Variants in EYA1 observed in about 807,000 individuals in gnomAD.
EYA1 encodes the protein EYA transcriptional coactivator and phosphatase 1.
EYA1 carries 16 observed loss-of-function variants against 82.0 expected under a neutral mutation model. That is an observed-to-expected ratio of 0.20 (90% CI 0.13 to 0.30). The LOEUF (loss-of-function observed/expected upper bound fraction) is 0.30. Ranked by LOEUF, EYA1 falls within the 10% of genes least tolerant of loss-of-function variation. The pLI is 1.00. For missense variants in EYA1, 633 were observed against 730.7 expected, an observed-to-expected ratio of 0.87 and a Z score of 1.54; for synonymous variants, 261 against 264.4, an observed-to-expected ratio of 0.99 and a Z score of 0.12.
chr8:71,314,999 C>G (rs1268001504), intron 7 of EYA1, among the ~76,000 whole-genome samples: 4 of 151,868 alleles, frequency 2.6e-5, no homozygotes, highest in Admixed American at 1.3e-4. Context: ...CTTTTTTATG[C>G]ACTATACTGT....
chr8:71,328,361 C>T (rs532341125), intron 4 of EYA1, among the ~76,000 whole-genome samples: 14 of 152,242 alleles, frequency 9.2e-5, no homozygotes, highest in South Asian at 6.2e-4. Context: ...AAGAGAATAC[C>T]GATTCCGGGG....
intron 2 of EYA1, among the ~76,000 whole-genome samples, chr8:71,527,718 A>C (rs1813926497): frequency 6.6e-6 from 1 of 152,184 alleles, no homozygotes; most frequent in Admixed American, 6.5e-5. Flanking sequence ...CAACAGAACA[A>C]TGCATGAATC....
At chr8:71,340,849 A>G (rs1825046459) in intron 3 of EYA1, among the ~76,000 whole-genome samples, 1 of 152,134 alleles carries the variant, frequency 6.6e-6, no homozygotes, top group Non-Finnish European at 1.5e-5. Flanking sequence ...GTTGAAATTC[A>G]ATATTTATTG....
At chr8:71,442,738 G>T (rs1408008745) in intron 2 of EYA1, among the ~76,000 whole-genome samples, 1 of 152,076 alleles carries the variant, frequency 6.6e-6, no homozygotes, top group African/African-American at 2.4e-5. Flanking sequence ...CTACCATAAC[G>T]ATTTACAAAC....
At chr8:71,287,172 T>G (rs1818479670) in intron 9 of EYA1, among the ~76,000 whole-genome samples, 1 of 152,126 alleles carries the variant, frequency 6.6e-6, no homozygotes. Flanking sequence ...AATTACATTA[T>G]ATTAGTTTAG....
chr8:71,438,659 G>A (rs964958087), intron 2 of EYA1, among the ~76,000 whole-genome samples: 1 of 152,108 alleles, frequency 6.6e-6, no homozygotes, highest in Admixed American at 6.6e-5. Flanking sequence ...GAGAGTGTGA[G>A]CAGATGGAGA....
At chr8:71,491,523 A>T (rs1396310059) in intron 2 of EYA1, among the ~76,000 whole-genome samples, 2 of 152,220 alleles carry the variant, frequency 1.3e-5, no homozygotes, top group Non-Finnish European at 2.9e-5. Context: ...ACAAGGTTTT[A>T]TGGGTGGGTC....
intron 12 of EYA1, among the ~76,000 whole-genome samples, chr8:71,220,300 A>C (rs763060125): frequency 1.7e-4 from 26 of 152,184 alleles, no homozygotes; most frequent in Non-Finnish European, 3.4e-4. Context: ...AGGTGATGAA[A>C]TCATTATTGA....
intron 3 of EYA1, among the ~76,000 whole-genome samples, chr8:71,342,747 C>T (rs1388493594): frequency 6.6e-6 from 1 of 152,132 alleles, no homozygotes; most frequent in African/African-American, 2.4e-5. Flanking sequence ...AATTTGCGGA[C>T]CTTTGGTACT....
chr8:71,463,995 G>A (rs1316106933), intron 2 of EYA1, among the ~76,000 whole-genome samples: 3 of 152,114 alleles, frequency 2.0e-5, no homozygotes, highest in Non-Finnish European at 4.4e-5. Context: ...TTCATCAAAT[G>A]TGCCTTTTTG....
chr8:71,220,373 G>T (rs1019800299), intron 12 of EYA1, among the ~76,000 whole-genome samples: 1 of 152,102 alleles, frequency 6.6e-6, no homozygotes, highest in Non-Finnish European at 1.5e-5. Context: ...TATTTTATGC[G>T]CTAATCTGTA....
chr8:71,498,164 T>C (rs776671186), intron 2 of EYA1, among the ~76,000 whole-genome samples: 13 of 152,324 alleles, frequency 8.5e-5, no homozygotes, highest in Non-Finnish European at 1.8e-4. Flanking sequence ...GCTAACATTA[T>C]ATTGTATTCT....
chr8:71,257,098 T>C (rs1016342490), intron 11 of EYA1, among the ~76,000 whole-genome samples: 7 of 152,212 alleles, frequency 4.6e-5, no homozygotes, highest in African/African-American at 1.7e-4. Context: ...ATGGCTAAGG[T>C]GCTGAATACT....
chr8:71,374,731 A>G (rs769476988), intron 2 of EYA1, among the ~76,000 whole-genome samples: 2 of 152,218 alleles, frequency 1.3e-5, no homozygotes, highest in African/African-American at 2.4e-5. Flanking sequence ...TTTATTCACA[A>G]TAGCCAAGCC....
intron 2 of EYA1, among the ~76,000 whole-genome samples, chr8:71,509,740 C>T (rs1437924451): frequency 6.6e-6 from 1 of 151,942 alleles, no homozygotes; most frequent in African/African-American, 2.4e-5. Flanking sequence ...ATAAAGAATG[C>T]CATTTTTATT....
chr8:71,352,195 T>C (rs1449437084), intron 3 of EYA1, among the ~76,000 whole-genome samples: 1 of 152,208 alleles, frequency 6.6e-6, no homozygotes, highest in African/African-American at 2.4e-5. Context: ...AAATCTATAA[T>C]GACTACACGC....
At chr8:71,418,108 C>T (rs1049128028) in intron 2 of EYA1, among the ~76,000 whole-genome samples, 4 of 152,122 alleles carry the variant, frequency 2.6e-5, no homozygotes, top group African/African-American at 7.2e-5. Flanking sequence ...TAGTCCACTC[C>T]TCACACTGAG....
chr8:71,205,885 G>A (rs891285390), intron 17 of EYA1, among the ~76,000 whole-genome samples: 9 of 152,140 alleles, frequency 5.9e-5, no homozygotes, highest in African/African-American at 2.2e-4. Context: ...AGAGAGACAA[G>A]CTAAATAGTT....
intron 4 of EYA1, among the ~76,000 whole-genome samples, chr8:71,333,553 T>A (rs1824137143): frequency 6.6e-6 from 1 of 152,238 alleles, no homozygotes; most frequent in African/African-American, 2.4e-5. Context: ...AGTAATTTCA[T>A]TATGACACTT....
Sources: gnomAD v4.1 joint callset for allele counts (sites outside exome capture counted in the v4.1 genomes callset) on GRCh38, gnomAD v4.1.1 for gene constraint, MANE v1.5 for transcripts, NCBI Gene and HGNC (gene_info 2026-07-23, HGNC 2026-07-21) for gene names.